The following KAZN variants were observed in gnomAD, a reference collection of about 807,000 sequenced individuals.
The protein encoded by KAZN is kazrin.
KAZN carries 40 observed loss-of-function variants against 87.4 expected under a neutral mutation model. The ratio of observed to expected loss-of-function variants is 0.46; its 90% CI spans 0.36 to 0.60. The LOEUF (loss-of-function observed/expected upper bound fraction) is 0.60. Among genes scored for constraint, KAZN ranks in the 20% least tolerant of loss-of-function variants. KAZN has a pLI of 0.00. For missense variants in KAZN, 898 were observed against 1,073.9 expected (o/e 0.84, Z 2.29); for synonymous variants, 466 against 458.3 (o/e 1.02, Z -0.22).
chr1:15,082,618 C>T (rs1640060343), intron 8 of KAZN, among the ~76,000 whole-genome samples: 1 of 152,244 alleles, frequency 6.6e-6, no homozygotes, highest in Admixed American at 6.5e-5. Flanking sequence ...TTCCACCTCC[C>T]TCTCACTCGC....
chr1:14,964,978 C>G (rs1037732598), intron 2 of KAZN, among the ~76,000 whole-genome samples: 3 of 151,856 alleles, frequency 2.0e-5, no homozygotes, highest in African/African-American at 7.3e-5. Flanking sequence ...TTGGTCTCAT[C>G]ATGAGCTTAA....
intron 1 of KAZN, among the ~76,000 whole-genome samples, chr1:14,650,846 G>C (rs1222352875): frequency 6.6e-6 from 1 of 152,138 alleles, no homozygotes; most frequent in Non-Finnish European, 1.5e-5. Flanking sequence ...TAACACCAAG[G>C]GCCTGATGGG....
intron 2 of KAZN, among the ~76,000 whole-genome samples, chr1:14,367,266 T>C (rs1660083266): frequency 6.6e-6 from 1 of 152,030 alleles, no homozygotes. Context: ...GAAAGGAAGC[T>C]GGAAGGGAGA....
intron 1 of KAZN, among the ~76,000 whole-genome samples, chr1:14,147,302 T>C (rs77584395): frequency 0.027 from 4,128 of 152,194 alleles, 202 homozygotes; most frequent in African/African-American, 0.094. Flanking sequence ...TGTTCAAGGG[T>C]CAACTGTATA....
At chr1:14,582,020 A>C (rs981745881) in intron 2 of KAZN, among the ~76,000 whole-genome samples, 6 of 152,036 alleles carry the variant, frequency 3.9e-5, no homozygotes, top group African/African-American at 1.5e-4. Context: ...TAAGCTCCAA[A>C]AGGGCAGGGA....
intron 1 of KAZN, among the ~76,000 whole-genome samples, chr1:13,920,070 C>T (rs55755605): frequency 0.036 from 5,430 of 151,762 alleles, 453 homozygotes; most frequent in East Asian, 0.34. Context: ...GCCAATATGG[C>T]GAAACCCCAT....
At chr1:14,406,554 G>T (rs979196072) in intron 2 of KAZN, among the ~76,000 whole-genome samples, 5 of 152,086 alleles carry the variant, frequency 3.3e-5, no homozygotes, top group Admixed American at 2.6e-4. Context: ...AGGATGGGAG[G>T]GGGGTGAGGG....
intron 2 of KAZN, among the ~76,000 whole-genome samples, chr1:14,972,484 AGG>A (rs1233628078): frequency 1.3e-5 from 2 of 150,114 alleles, no homozygotes; most frequent in Non-Finnish European, 3.0e-5. Context: ...CTTGGCTCCC[AGG>A]GGAATGCGCT....
At chr1:14,398,924 G>T (rs1273547049) in intron 2 of KAZN, among the ~76,000 whole-genome samples, 5 of 152,068 alleles carry the variant, frequency 3.3e-5, no homozygotes, top group African/African-American at 9.7e-5. Flanking sequence ...TTTCTTTCTG[G>T]AAGTGTTGGG....
intron 1 of KAZN, among the ~76,000 whole-genome samples, chr1:14,824,013 C>T (rs1482431174): frequency 6.6e-6 from 1 of 151,230 alleles, no homozygotes; most frequent in African/African-American, 2.4e-5. Flanking sequence ...ACTCAGGAGG[C>T]TGAGGCAGGA....
intron 1 of KAZN, among the ~76,000 whole-genome samples, chr1:14,038,002 C>T (rs998007334): frequency 1.3e-5 from 2 of 152,172 alleles, no homozygotes; most frequent in African/African-American, 4.8e-5. Flanking sequence ...ATTAAATTCA[C>T]TCAACCACCC....
intron 2 of KAZN, among the ~76,000 whole-genome samples, chr1:14,418,290 CCTCT>C (rs916797620): frequency 6.6e-6 from 1 of 152,122 alleles, no homozygotes; most frequent in African/African-American, 2.4e-5. Context: ...GGCTATCTAA[CCTCT>C]CTGAGTGTCC....
At chr1:14,777,769 G>A (rs534703083) in intron 1 of KAZN, among the ~76,000 whole-genome samples, 7 of 152,260 alleles carry the variant, frequency 4.6e-5, no homozygotes, top group African/African-American at 1.7e-4. Context: ...GCTAAATAAG[G>A]GATAGATTAC....
chr1:14,791,864 C>T (rs765521804), intron 1 of KAZN, among the ~76,000 whole-genome samples: 3 of 152,222 alleles, frequency 2.0e-5, no homozygotes, highest in Non-Finnish European at 4.4e-5. Flanking sequence ...CCCATGGCAG[C>T]GGCTGCGGGA....
intron 1 of KAZN, among the ~76,000 whole-genome samples, chr1:14,883,005 G>C (rs1325935925): frequency 6.6e-6 from 1 of 152,044 alleles, no homozygotes; most frequent in Admixed American, 6.6e-5. Context: ...AACTCAAAAA[G>C]TGGTTCTTGG....
chr1:14,367,469 G>T (rs1021053168), intron 2 of KAZN, among the ~76,000 whole-genome samples: 10 of 152,096 alleles, frequency 6.6e-5, no homozygotes, highest in Admixed American at 2.0e-4. Flanking sequence ...AGGATGGGGG[G>T]CGGGCTGGGC....
chr1:13,985,505 A>G (rs546306482), intron 1 of KAZN, among the ~76,000 whole-genome samples: 1 of 134,702 alleles, frequency 7.4e-6, no homozygotes, highest in South Asian at 2.4e-4. Flanking sequence ...GAATTGAACA[A>G]TGAGAACACA....
intron 2 of KAZN, among the ~76,000 whole-genome samples, chr1:14,436,546 C>T (rs1047806527): frequency 7.3e-5 from 11 of 151,528 alleles, no homozygotes; most frequent in South Asian, 2.1e-4. Context: ...GGTGAAACCC[C>T]GTCTCTACTA....
At chr1:14,159,753 A>G (rs1570903074) in intron 1 of KAZN, among the ~76,000 whole-genome samples, 1 of 152,246 alleles carries the variant, frequency 6.6e-6, no homozygotes, top group Non-Finnish European at 1.5e-5. Context: ...GTCTGACCCA[A>G]GGTCCTTGAT....
Sources: gnomAD v4.1 joint callset for allele counts (sites outside exome capture counted in the v4.1 genomes callset) on GRCh38, gnomAD v4.1.1 for gene constraint, MANE v1.5 for transcripts, NCBI Gene and HGNC (gene_info 2026-07-23, HGNC 2026-07-21) for gene names.